Variants in CELF2 observed in about 807,000 individuals in gnomAD.
The protein encoded by CELF2 is CUG triplet repeat RNA-binding protein 2.
A neutral mutation model predicts 62.6 loss-of-function variants in CELF2; 8 were observed. That is an observed-to-expected ratio of 0.13 (90% CI 0.07 to 0.23). CELF2 has a LOEUF of 0.23. Among genes scored for constraint, CELF2 ranks in the 10% least tolerant of loss-of-function variants. The pLI is 1.00. For synonymous variants in CELF2, 258 were observed against 250.0 expected, an observed-to-expected ratio of 1.03 and a Z score of -0.30; for missense variants, 333 against 671.0, an observed-to-expected ratio of 0.50 and a Z score of 5.56.
chr10:11,005,215 G>C, upstream of CELF2: 1 of 1,482,454 alleles, frequency 6.7e-7, no homozygotes, highest in Non-Finnish European at 8.9e-7. The surrounding 1 kb of genome is among the most constrained non-coding windows in gnomAD (Gnocchi z 4.3). Context: ...CTACTATTCA[G>C]CATTTGACTA....
intron 1 of CELF2, among the ~76,000 whole-genome samples, chr10:11,026,974 C>G (rs2059321525): frequency 6.6e-6 from 1 of 152,134 alleles, no homozygotes; most frequent in African/African-American, 2.4e-5. Context: ...TTATGGATGT[C>G]TTTGTCTGGG....
the CELF2 span, among the ~76,000 whole-genome samples, chr10:10,480,479 ATC>A: frequency 2.6e-5 from 4 of 152,190 alleles, no homozygotes; most frequent in African/African-American, 9.6e-5. Flanking sequence ...ATAGCAAACA[ATC>A]TCTTAATAAA....
chr10:10,941,710 T>C (rs2047065963), intron 2 of CELF2, among the ~76,000 whole-genome samples: 2 of 152,120 alleles, frequency 1.3e-5, no homozygotes, highest in African/African-American at 2.4e-5. Context: ...AAATCAAAAG[T>C]TGACCAGGCG....
Position 11,315,040 on chromosome 10 carries a change from C to T in CELF2, c.1096+782C>T, listed in dbSNP as rs1035428301. On this transcript the variant is annotated intron_variant, in intron 10 of 12. Transcript: ENST00000633077. The surrounding 1 kb of genome is among the most constrained non-coding windows in gnomAD (Gnocchi z 5.8). ...AGAGAACTGCAGGTTCTGTCCTCCA[C>T]AGCCCACCCGCTCCTGTCATTCTCG... 2.6e-5 allele frequency among the ~76,000 whole-genome samples: 4 copies of T among 152,102 alleles called. No individual in the cohort carries two copies. The highest frequency in any genetic ancestry group is 9.7e-5 in the African/African-American group (4 of 41,414).
intron 1 of CELF2, among the ~76,000 whole-genome samples, chr10:10,907,901 C>A (rs1205401459): frequency 6.6e-6 from 1 of 152,062 alleles, no homozygotes; most frequent in Non-Finnish European, 1.5e-5. Context: ...CAAGAAGCAA[C>A]CTGGAAAATT....
At chr10:11,184,842 G>C (rs2074403031) in intron 2 of CELF2, among the ~76,000 whole-genome samples, 2 of 152,182 alleles carry the variant, frequency 1.3e-5, no homozygotes, top group African/African-American at 4.8e-5. Flanking sequence ...CATAAAGACA[G>C]TTCTACTTCT....
At chr10:10,716,414 G>A in the CELF2 span, among the ~76,000 whole-genome samples, 15 of 152,108 alleles carry the variant, frequency 9.9e-5, no homozygotes, top group Admixed American at 2.6e-4. Flanking sequence ...GGTGGCACAC[G>A]CCTGTAGTCC....
chr10:10,510,788 C>A, the CELF2 span, among the ~76,000 whole-genome samples: 1 of 152,176 alleles, frequency 6.6e-6, no homozygotes, highest in Non-Finnish European at 1.5e-5. Flanking sequence ...TGGATGACAT[C>A]CACGAAGGTG....
At chr10:11,209,515 C>T (rs1245199117) in intron 2 of CELF2, among the ~76,000 whole-genome samples, 3 of 151,452 alleles carry the variant, frequency 2.0e-5, no homozygotes, top group Non-Finnish European at 4.4e-5. Context: ...TTGCCTTTTG[C>T]CTCAAGATGC....
At chr10:11,310,336 T>C (rs2140432037) in intron 9 of CELF2, among the ~76,000 whole-genome samples, 1 of 152,292 alleles carries the variant, frequency 6.6e-6, no homozygotes, top group African/African-American at 2.4e-5. Context: ...TAGAGCTTCC[T>C]TTATGCTGAG....
chr10:10,525,650 A>G, the CELF2 span, among the ~76,000 whole-genome samples: 1 of 152,242 alleles, frequency 6.6e-6, no homozygotes, highest in African/African-American at 2.4e-5. Flanking sequence ...GTGTTGTCAC[A>G]AATGGAAGAA....
At chr10:10,823,897 C>CGT (rs1213178925) in intron 1 of CELF2, among the ~76,000 whole-genome samples, 1 of 151,616 alleles carries the variant, frequency 6.6e-6, no homozygotes, top group South Asian at 2.1e-4. Context: ...TATTTCAGAT[C>CGT]GTGTGTGTGT....
At chr10:10,622,004 A>T in the CELF2 span, among the ~76,000 whole-genome samples, 1 of 152,232 alleles carries the variant, frequency 6.6e-6, no homozygotes, top group Non-Finnish European at 1.5e-5. Flanking sequence ...TTGGATTGGC[A>T]AGATGAAAAA....
At chr10:10,935,834 T>C (rs745718035) in intron 2 of CELF2, among the ~76,000 whole-genome samples, 8 of 152,170 alleles carry the variant, frequency 5.3e-5, no homozygotes, top group Non-Finnish European at 4.4e-5. Flanking sequence ...CTGATATGCA[T>C]GTGCCTTCTA....
chr10:10,731,188 G>A, the CELF2 span, among the ~76,000 whole-genome samples: 1 of 151,612 alleles, frequency 6.6e-6, no homozygotes, highest in Non-Finnish European at 1.5e-5. Context: ...TCCTCCAGTC[G>A]AATCACTTTT....
At chr10:10,954,638 G>A (rs754007267) in intron 2 of CELF2, among the ~76,000 whole-genome samples, 7 of 152,266 alleles carry the variant, frequency 4.6e-5, no homozygotes, top group East Asian at 1.9e-4. Flanking sequence ...ACATTTGTTC[G>A]AAAAGACTTA....
intron 1 of CELF2, among the ~76,000 whole-genome samples, chr10:10,866,707 A>G (rs1428635084): frequency 6.6e-6 from 1 of 151,762 alleles, no homozygotes; most frequent in Non-Finnish European, 1.5e-5. Context: ...CTGTAATTCC[A>G]ACACTTTGGG....
the CELF2 span, among the ~76,000 whole-genome samples, chr10:10,696,572 CT>C: frequency 6.6e-6 from 1 of 151,976 alleles, no homozygotes; most frequent in African/African-American, 2.4e-5. Context: ...CTAAGCAAGC[CT>C]GGGCAATGGC....
chr10:10,851,206 T>A (rs577144540), intron 1 of CELF2, among the ~76,000 whole-genome samples: 4 of 152,222 alleles, frequency 2.6e-5, no homozygotes, highest in African/African-American at 9.6e-5. Flanking sequence ...CATCTTTCTT[T>A]TTCAAAACAC....
Sources: allele counts gnomAD v4.1 joint callset (sites outside exome capture counted in the v4.1 genomes callset), GRCh38; gene constraint gnomAD v4.1.1; non-coding constraint Gnocchi (gnomAD v3.1); transcripts MANE v1.5; gene names NCBI Gene and HGNC (gene_info 2026-07-23, HGNC 2026-07-21).